The following IFIH1 variants were observed in gnomAD, a reference collection of about 807,000 sequenced individuals.
IFIH1 encodes interferon induced with helicase C domain 1.
A neutral mutation model predicts 107.4 loss-of-function variants in IFIH1; 125 were observed. The observed-to-expected ratio is 1.16, with a 90% confidence interval of 1.01 to 1.35. The LOEUF is 1.35. IFIH1 is among the 40% of genes most tolerant of loss of function. IFIH1 has a pLI of 0.00. For synonymous variants in IFIH1, 458 were observed against 413.2 expected (o/e 1.11, Z -1.31); for missense variants, 1,333 against 1,213.7 (o/e 1.10, Z -1.46).
At chr2:162,303,732 T>C (rs759566834) in intron 3 of IFIH1, among the ~76,000 whole-genome samples, 5 of 152,186 alleles carry the variant, frequency 3.3e-5, no homozygotes, top group Admixed American at 6.5e-5. Context: ...GATACATCTT[T>C]AAGTTTTATA....
Position 162,288,202 on chromosome 2 carries a change from G to A in IFIH1, c.1028C>T (p.Ala343Val). Reference protein sequence around the residue: ...SGKTRVAVYIAKDHLDKKKKA... With the variant: ...SGKTRVAVYIVKDHLDKKKKA... ...TTTCTTCTTGTCTAAGTGATCCTTG[G>A]CAATGTAAACAGCCACTCTGGTTTT... The change falls in exon 5 of 16, where the codon GCC becomes GTC. Residue 343 changes from alanine to valine, a missense_variant. Physicochemically the swap from Ala to Val is moderately conservative, Grantham distance 64. Transcript: ENST00000649979. 1 of 1,612,646 alleles carries A rather than the reference G, an allele frequency of 6.2e-7. No individual in the cohort carries two copies. The highest frequency in any genetic ancestry group is 1.7e-5 in the Admixed American group (1 of 59,838).
At chr2:162,311,360 T>C (rs961430898) in intron 1 of IFIH1, among the ~76,000 whole-genome samples, 1 of 152,046 alleles carries the variant, frequency 6.6e-6, no homozygotes, top group Non-Finnish European at 1.5e-5. Flanking sequence ...ATCTATGGAG[T>C]CTGTAAATGG....
chr2:162,282,600 T>C (rs775132705), intron 5 of IFIH1, 24 bp from the exon 6 acceptor site: 1 of 1,529,858 alleles, frequency 6.5e-7, no homozygotes, highest in Non-Finnish European at 8.9e-7. Flanking sequence ...GAAGATTTTT[T>C]AAAAGAGAGA....
Position 162,273,843 on chromosome 2 carries a change from G to A in IFIH1, c.2406C>T (p.Asn802=). ...TGACGAGACCATAACGGATAACAATGTTACATTCTTTAATATCCAGACCTT... is the reference window on the plus strand; with the variant it reads ...TGACGAGACCATAACGGATAACAATATTACATTCTTTAATATCCAGACCTT... ...AEEGLDIKEC[N]IVIRYGLVTN... is the part of the protein sequence containing the mutation. The change falls in exon 12 of 16, where the codon AAC becomes AAT. Residue 802 remains asparagine, a synonymous_variant. Transcript: ENST00000649979. The A allele has an allele frequency of 1.9e-6, 3 of 1,611,050 alleles. No homozygotes were observed. The highest frequency in any genetic ancestry group is 2.5e-6 in the Non-Finnish European group (3 of 1,178,092).
intron 3 of IFIH1, among the ~76,000 whole-genome samples, chr2:162,304,607 G>A (rs999304615): frequency 1.3e-5 from 2 of 152,148 alleles, no homozygotes; most frequent in African/African-American, 4.8e-5. Context: ...GTTCATATAA[G>A]TCAGCAAAAA....
chr2:162,308,298 T>C (rs61621047), intron 2 of IFIH1, among the ~76,000 whole-genome samples: 14,135 of 152,168 alleles, frequency 0.093, 2,231 homozygotes, highest in African/African-American at 0.32. Context: ...AAGAGACAGA[T>C]GTTTCTCTTT....
intron 1 of IFIH1, among the ~76,000 whole-genome samples, chr2:162,311,542 C>CT (rs1051115320): frequency 1.3e-5 from 2 of 151,180 alleles, no homozygotes; most frequent in Admixed American, 6.6e-5. Context: ...ATTGTTATAT[C>CT]TTTTTTTTGG....
At chr2:162,314,416 T>TTTCTTTTCTTTCTTTCTTTCTTTCTTTC (rs71009355) in intron 1 of IFIH1, among the ~76,000 whole-genome samples, 2 of 51,466 alleles carry the variant, frequency 3.9e-5, no homozygotes, top group African/African-American at 1.2e-4. Context: ...TCTTTCTTTC[T>TTTCTTTTCTTTCTTTCTTTCTTTCTTTC]TTTCTTTCTT....
chr2:162,301,874 T>A (rs968475894), intron 3 of IFIH1, among the ~76,000 whole-genome samples: 1 of 152,216 alleles, frequency 6.6e-6, no homozygotes, highest in Non-Finnish European at 1.5e-5. Context: ...GCATCCAGCA[T>A]TAAATTGCCA....
Position 162,276,905 on chromosome 2 carries a change from A to G in IFIH1, c.2086T>C (p.Tyr696His). The change falls in exon 11 of 16, where the codon TAT becomes CAT. Residue 696 changes from tyrosine (Y) to histidine (H), a missense_variant. Tyr to His is a moderately conservative substitution (Grantham distance 83). Transcript: ENST00000649979. ...AATTTGGTCAGCTTTTCATTTTCAT[A>G]TTCTGGGTTTTCAGCCAGCCTTTTC... ...MLKRLAENPE[Y>H]ENEKLTKLRN... 6.2e-7 allele frequency: 1 copy of G among 1,610,658 alleles called. No individual in the cohort carries two copies. Among genetic ancestry groups the G allele is most frequent in the East Asian group, 2.2e-5 (1 of 44,842 alleles).
chr2:162,282,951 A>C (rs1682836616), intron 5 of IFIH1, among the ~76,000 whole-genome samples: 1 of 151,754 alleles, frequency 6.6e-6, no homozygotes, highest in African/African-American at 2.4e-5. Flanking sequence ...CTGACGACTC[A>C]AAAAAGGGGA....
In IFIH1 at chr2:162,288,281, G is replaced by A. The variant is rs74162079; in HGVS notation, c.949C>T (p.Gln317Ter). The A allele has an allele frequency of 1.2e-4, 197 of 1,612,664 alleles. No homozygotes were observed. The highest frequency in any genetic ancestry group is 1.6e-4 in the Non-Finnish European group (192 of 1,179,262). ...QLRPYQMEVAQPALEGKNIII... is the reference protein window; with the variant it reads ...QLRPYQMEVA Reference sequence around the variant, plus strand: ...ATATTCTTCCCTTCCAAGGCTGGCTGGGCAACTTCCATTTGGTAAGGCCTG... The same window carrying A: ...ATATTCTTCCCTTCCAAGGCTGGCTAGGCAACTTCCATTTGGTAAGGCCTG... The change falls in exon 5 of 16, where the codon CAG (glutamine) becomes TAG (stop). Residue 317 changes from glutamine (Q) to a stop codon, truncating the protein, a stop_gained. Coordinates refer to ENST00000649979, the MANE Select transcript of IFIH1 (RefSeq NM_022168.4). LOFTEE classifies it high-confidence loss of function.
chr2:162,284,676 C>G (rs1682868547), intron 5 of IFIH1, among the ~76,000 whole-genome samples: 1 of 151,946 alleles, frequency 6.6e-6, no homozygotes, highest in Middle Eastern at 3.4e-3. Context: ...ATAAAGACTA[C>G]CTTATGGGGT....
chr2:162,277,732 T>C, intron 9 of IFIH1, 39 bp from the exon 10 acceptor site: 1 of 1,562,124 alleles, frequency 6.4e-7, no homozygotes, highest in Non-Finnish European at 8.6e-7. Flanking sequence ...ATAATAAGCA[T>C]ATAAACCCCC....
Position 162,318,347 on chromosome 2 carries a change from A to G in IFIH1, c.-40T>C, listed in dbSNP as rs763861156. On this transcript the variant is annotated 5_prime_UTR_variant, in exon 1 of 16. Coordinates refer to ENST00000649979, the MANE Select transcript of IFIH1 (RefSeq NM_022168.4). ...GAAGGGAGAGGGTTCTCCCAAGCAGATGGTGCTGTTGTCTGCGGGACAGGT... is the reference window on the plus strand; with the variant it reads ...GAAGGGAGAGGGTTCTCCCAAGCAGGTGGTGCTGTTGTCTGCGGGACAGGT... 1 of 1,537,710 alleles carries G rather than the reference A, an allele frequency of 6.5e-7. No homozygotes were observed. The highest frequency in any genetic ancestry group is 8.9e-7 in the Non-Finnish European group (1 of 1,119,162).
At chr2:162,302,881 A>G (rs1683216193) in intron 3 of IFIH1, among the ~76,000 whole-genome samples, 1 of 152,220 alleles carries the variant, frequency 6.6e-6, no homozygotes. Flanking sequence ...TCCACATGAG[A>G]AATCCAGATA....
intron 4 of IFIH1, among the ~76,000 whole-genome samples, chr2:162,291,106 C>T (rs1314309628): frequency 6.6e-6 from 1 of 151,814 alleles, no homozygotes; most frequent in Non-Finnish European, 1.5e-5. Context: ...TTGAATAACA[C>T]TGTGCCCTCC....
intron 6 of IFIH1, among the ~76,000 whole-genome samples, chr2:162,282,099 C>T (rs1682819894): frequency 6.6e-6 from 1 of 151,904 alleles, no homozygotes; most frequent in African/African-American, 2.4e-5. Flanking sequence ...GATCTAACAA[C>T]ATTCAATAGC....
At chr2:162,291,793 AT>A (rs1683000988) in intron 4 of IFIH1, among the ~76,000 whole-genome samples, 1 of 151,780 alleles carries the variant, frequency 6.6e-6, no homozygotes, top group Non-Finnish European at 1.5e-5. Flanking sequence ...ATTGGTTTCT[AT>A]TTTAGCTTAT....
Sources: gnomAD v4.1 joint callset for allele counts (sites outside exome capture counted in the v4.1 genomes callset) on GRCh38, gnomAD v4.1.1 for gene constraint, MANE v1.5 for transcripts, NCBI Gene and HGNC (gene_info 2026-07-23, HGNC 2026-07-21) for gene names.